Variants in TXNDC11 observed in about 807,000 individuals in gnomAD.
TXNDC11 encodes thioredoxin domain-containing protein 11.
TXNDC11 carries 68 observed loss-of-function variants against 78.0 expected under a neutral mutation model. The ratio of observed to expected loss-of-function variants is 0.87; its 90% CI spans 0.72 to 1.07. The LOEUF (loss-of-function observed/expected upper bound fraction) is 1.07. Among genes scored for constraint, TXNDC11 ranks in the 50% least tolerant of loss-of-function variants. The pLI, the probability that TXNDC11 is intolerant of heterozygous loss-of-function variation, is 0.00. For missense variants in TXNDC11, 1,389 were observed against 1,221.8 expected (o/e 1.14, Z -2.04); for synonymous variants, 571 against 495.2 (o/e 1.15, Z -2.03).
chr16:11,691,881 T>C lies in TXNDC11; in HGVS notation c.1309A>G (p.Arg437Gly), dbSNP rs1383632352. The C allele has an allele frequency of 6.2e-7, 1 of 1,614,082 alleles. No homozygotes were observed. Among genetic ancestry groups the C allele is most frequent in the Non-Finnish European group, 8.5e-7 (1 of 1,180,000 alleles). Reference sequence around the variant, plus strand: ...CAGAGTTCACAGACGTTGTGGGTCCTGGAGAAGGAGTGCCACTGGGGCAGC... The same window carrying C: ...CAGAGTTCACAGACGTTGTGGGTCCCGGAGAAGGAGTGCCACTGGGGCAGC... ...VVLPQWHSFS[R>G]THNVCELCVN... The change falls in exon 8 of 12, where the codon AGG (arginine) becomes GGG (glycine). Residue 437 changes from arginine (R) to glycine (G), a missense_variant. Transcript: ENST00000283033.
At chr16:11,705,949 C>T (rs1010172268) in intron 5 of TXNDC11, among the ~76,000 whole-genome samples, 9 of 152,100 alleles carry the variant, frequency 5.9e-5, no homozygotes, top group Admixed American at 2.0e-4. Context: ...CGACAGAAGT[C>T]TTAGTCATTT....
chr16:11,707,898 G>C (rs998487959), intron 5 of TXNDC11, among the ~76,000 whole-genome samples: 1 of 151,826 alleles, frequency 6.6e-6, no homozygotes, highest in African/African-American at 2.4e-5. Flanking sequence ...GCCTGGGCAA[G>C]AGAGTGAGAC....
At chr16:11,721,879 T>C (rs2051717857) in intron 4 of TXNDC11, among the ~76,000 whole-genome samples, 1 of 151,948 alleles carries the variant, frequency 6.6e-6, no homozygotes, top group African/African-American at 2.4e-5. Flanking sequence ...AGGGATGGAG[T>C]TGCAGTAGCT....
At chr16:11,731,907 C>T (rs993250672) in intron 3 of TXNDC11, among the ~76,000 whole-genome samples, 1 of 152,228 alleles carries the variant, frequency 6.6e-6, no homozygotes, top group Non-Finnish European at 1.5e-5. Flanking sequence ...CCATCAACCA[C>T]CAATAATTTT....
Position 11,679,391 on chromosome 16 carries a change from A to C in TXNDC11, c.2681T>G (p.Leu894Arg). Residue 894 changes from leucine to arginine, a missense_variant, in exon 12 of 12, where the codon CTC becomes CGC. Coordinates refer to ENST00000283033, the MANE Select transcript of TXNDC11 (RefSeq NM_015914.7). This position sits in a 1 kb window ranked among gnomAD's most constrained non-coding sequence, Gnocchi z 4.6. ...SENLLTENTWLKILVATMERK... is the reference protein window; with the variant it reads ...SENLLTENTWRKILVATMERK... ...CTCCATGGTCGCCACCAGGATCTTG[A>C]GCCACGTGTTCTCGGTAAGGAGGTT... The C allele has an allele frequency of 6.2e-7, 1 of 1,610,590 alleles. No individual in the cohort carries two copies. Among genetic ancestry groups the C allele is most frequent in the African/African-American group, 1.3e-5 (1 of 74,446 alleles).
At chr16:11,711,752 A>C (rs953243277) in intron 5 of TXNDC11, among the ~76,000 whole-genome samples, 1 of 152,190 alleles carries the variant, frequency 6.6e-6, no homozygotes, top group African/African-American at 2.4e-5. Context: ...AGCCCTTATG[A>C]GCCCTGCCTA....
intron 8 of TXNDC11, 122 bp downstream of exon 8, chr16:11,691,168 A>G: frequency 3.7e-6 from 3 of 815,042 alleles, no homozygotes; most frequent in Non-Finnish European, 5.8e-6. Context: ...CTAAAGACTT[A>G]AAATGAGCTA....
At position 11,717,283 on chromosome 16, in the gene TXNDC11, G is replaced by A. The variant is rs112595681; in HGVS notation, c.793+4294C>T. Among the ~76,000 whole-genome samples, 1,469 of 151,322 alleles carry A rather than the reference G, an allele frequency of 9.7e-3. 19 individuals carry two copies. Among genetic ancestry groups the A allele is most frequent in the Non-Finnish European group, 0.017 (1,149 of 67,778 alleles). On this transcript the variant is annotated intron_variant, in intron 5 of 11. Coordinates refer to ENST00000283033, the MANE Select transcript of TXNDC11 (RefSeq NM_015914.7). ...TGTACTAACGGTACAAAAATTAGGC[G>A]GGCGTGGTAGTGGGCGCAGTAGTGG...
chr16:11,679,138 T>C lies in TXNDC11; in HGVS notation c.*57A>G, dbSNP rs979561855. 57 of 1,543,516 alleles carry C rather than the reference T, an allele frequency of 3.7e-5. No individual in the cohort carries two copies. Among genetic ancestry groups the C allele is most frequent in the Non-Finnish European group, 4.7e-5 (54 of 1,138,260 alleles). On this transcript the variant is annotated 3_prime_UTR_variant, in exon 12 of 12. Transcript: ENST00000283033. This position sits in a 1 kb window ranked among gnomAD's most constrained non-coding sequence, Gnocchi z 4.6. ...ACAATAAATTTCAATAAAATTTGCA[T>C]AAATATATTCCCAATGTACAATTTT...
At chr16:11,727,250 T>C (rs2051910391) in intron 4 of TXNDC11, among the ~76,000 whole-genome samples, 1 of 151,292 alleles carries the variant, frequency 6.6e-6, no homozygotes, top group Admixed American at 6.6e-5. Context: ...AAGAAATTTT[T>C]TTTTAAAACA....
intron 11 of TXNDC11, among the ~76,000 whole-genome samples, chr16:11,683,703 C>G (rs1250560174): frequency 2.0e-5 from 3 of 151,692 alleles, no homozygotes; most frequent in African/African-American, 4.8e-5. Flanking sequence ...ATCCATACCA[C>G]ACATAACATC....
chr16:11,721,614 C>A lies in TXNDC11; in HGVS notation c.756G>T (p.Leu252Phe). ...FSGSPQPPGY[L>F]TFFTSALHSL... is the part of the protein sequence containing the mutation. ...AATGTAATGCTGAGGTGAAGAAGGTCAAATAACCAGGAGGCTGGGGTGAGC... is the reference window on the plus strand; with the variant it reads ...AATGTAATGCTGAGGTGAAGAAGGTAAAATAACCAGGAGGCTGGGGTGAGC... Residue 252 changes from leucine (L) to phenylalanine (F), a missense_variant, in exon 5 of 12, where the codon TTG becomes TTT. Physicochemically the swap from Leu to Phe is conservative, Grantham distance 22. Coordinates refer to ENST00000283033, the MANE Select transcript of TXNDC11 (RefSeq NM_015914.7). 1 of 1,612,132 alleles carries A rather than the reference C, an allele frequency of 6.2e-7. No individual in the cohort carries two copies. The highest frequency in any genetic ancestry group is 1.1e-5 in the South Asian group (1 of 90,938).
chr16:11,686,657 T>C (rs760750579), intron 10 of TXNDC11, among the ~76,000 whole-genome samples: 4 of 152,258 alleles, frequency 2.6e-5, no homozygotes, highest in Non-Finnish European at 5.9e-5. Flanking sequence ...ATATGTTAAA[T>C]GATACTTTGT....
intron 5 of TXNDC11, chr16:11,703,756 G>T (rs1020528601): frequency 1.4e-6 from 1 of 700,984 alleles, no homozygotes; most frequent in South Asian, 1.5e-5. Flanking sequence ...CAGAGCTGGG[G>T]TGAAGAAAGT....
Position 11,691,354 on chromosome 16 carries a change from A to G in TXNDC11, c.1836T>C (p.Val612=). ...TGTAATGAGATTCTTCTTTCACGTC[A>G]ACAATTGCCGCAAATTCTTTCACCT... is the stretch of plus-strand genomic sequence containing the variant. ...STQVKEFAAI[V]DVKEESHYIL... is the part of the protein sequence containing the mutation. The change falls in exon 8 of 12, where the codon GTT becomes GTC. Residue 612 remains valine, a synonymous_variant. Transcript: ENST00000283033. 6.2e-7 allele frequency: 1 copy of G among 1,614,244 alleles called. No individual in the cohort carries two copies. Among genetic ancestry groups the G allele is most frequent in the Non-Finnish European group, 8.5e-7 (1 of 1,180,042 alleles).
intron 4 of TXNDC11, among the ~76,000 whole-genome samples, chr16:11,730,367 C>G (rs542170380): frequency 6.6e-6 from 1 of 152,286 alleles, no homozygotes; most frequent in Non-Finnish European, 1.5e-5. Flanking sequence ...TAATTCTCAT[C>G]TACTCTAAGT....
intron 7 of TXNDC11, chr16:11,692,391 A>G (rs2050745894): frequency 3.4e-6 from 1 of 297,924 alleles, no homozygotes; most frequent in Non-Finnish European, 6.2e-6. Context: ...TCTCAGTATC[A>G]CAGTGCTTGT....
At chr16:11,702,067 T>C (rs2051043959) in intron 5 of TXNDC11, among the ~76,000 whole-genome samples, 1 of 136,698 alleles carries the variant, frequency 7.3e-6, no homozygotes, top group African/African-American at 3.4e-5. Flanking sequence ...TGTGTGTGTA[T>C]GTGTGTGTGT....
At chr16:11,706,815 T>G (rs1156320785) in intron 5 of TXNDC11, among the ~76,000 whole-genome samples, 2 of 152,184 alleles carry the variant, frequency 1.3e-5, no homozygotes, top group Non-Finnish European at 2.9e-5. Flanking sequence ...GATAAAAGCT[T>G]TTTGGTTTTG....
Sources: allele counts gnomAD v4.1 joint callset (sites outside exome capture counted in the v4.1 genomes callset), GRCh38; gene constraint gnomAD v4.1.1; non-coding constraint Gnocchi (gnomAD v3.1); transcripts MANE v1.5; gene names NCBI Gene and HGNC (gene_info 2026-07-23, HGNC 2026-07-21).